Variants in EXOC4 observed in about 807,000 individuals in gnomAD.
The protein encoded by EXOC4 is SEC8-like 1.
Under a neutral mutation model 107.2 loss-of-function variants are expected in EXOC4, and 71 were observed. That is an observed-to-expected ratio of 0.66 (90% confidence interval 0.55 to 0.81). EXOC4 has a LOEUF of 0.81. EXOC4 is among the 30% of genes least tolerant of loss of function. The probability of loss-of-function intolerance (pLI) is 0.00; values close to 1 mark genes in which losing one functional copy is unlikely to be tolerated. For synonymous variants in EXOC4, 456 were observed against 441.2 expected (o/e 1.03, Z -0.42); for missense variants, 1,108 against 1,189.6 (o/e 0.93, Z 1.01).
At chr7:133,505,368 G>A (rs905063188) in intron 9 of EXOC4, among the ~76,000 whole-genome samples, 1 of 151,764 alleles carries the variant, frequency 6.6e-6, no homozygotes, top group Non-Finnish European at 1.5e-5. Flanking sequence ...TCAAAATTAT[G>A]GTTTCATTTT....
chr7:133,574,753 T>G (rs559719685), intron 9 of EXOC4, among the ~76,000 whole-genome samples: 1 of 152,312 alleles, frequency 6.6e-6, no homozygotes, highest in South Asian at 2.1e-4. Context: ...TCTTCTTCTC[T>G]TCATGATCTT....
chr7:134,066,813 T>A (rs2116652320), downstream of EXOC4, among the ~76,000 whole-genome samples: 1 of 152,220 alleles, frequency 6.6e-6, no homozygotes. Context: ...AGTTACGTAA[T>A]GTTCTTGTGT....
intron 5 of EXOC4, among the ~76,000 whole-genome samples, chr7:133,346,828 T>A (rs1018201890): frequency 6.6e-6 from 1 of 152,208 alleles, no homozygotes; most frequent in Non-Finnish European, 1.5e-5. Flanking sequence ...ATGCGTAGTA[T>A]AAGGAATGAC....
chr7:133,758,925 C>A (rs1403650569), intron 10 of EXOC4, among the ~76,000 whole-genome samples: 2 of 152,066 alleles, frequency 1.3e-5, no homozygotes, highest in Non-Finnish European at 2.9e-5. Context: ...AGTGCTTTGG[C>A]AGTTTCAAGT....
rs973354335 is a variant in EXOC4, at chr7:133,945,253, T to G, written c.2206+7184T>G. Among the ~76,000 whole-genome samples, 6 of 152,234 alleles carry G rather than the reference T, an allele frequency of 3.9e-5. 1 individual carries two copies. Among genetic ancestry groups the G allele is most frequent in the Non-Finnish European group, 5.9e-5 (4 of 68,038 alleles). On this transcript the variant is annotated intron_variant, in intron 14 of 17. Coordinates refer to ENST00000253861, the MANE Select transcript of EXOC4 (RefSeq NM_021807.4). ...ATCGCATTAGAAATGCCTGTGCTTT[T>G]TAACATATCCCCAGGCAATTTTAAC...
intron 6 of EXOC4, among the ~76,000 whole-genome samples, chr7:133,367,426 G>A (rs900722700): frequency 2.0e-5 from 3 of 152,122 alleles, no homozygotes; most frequent in African/African-American, 7.2e-5. Context: ...TTGATTAGAG[G>A]CCAAAGTGGG....
chr7:133,332,294 A>G (rs1795411814), intron 5 of EXOC4, among the ~76,000 whole-genome samples: 1 of 152,172 alleles, frequency 6.6e-6, no homozygotes, highest in East Asian at 1.9e-4. Flanking sequence ...CTTGATGTGC[A>G]TTTTATTCCA....
In EXOC4 at chr7:133,606,887, A is replaced by C. The variant is rs1801961666; in HGVS notation, c.1418-23158A>C. Among the ~76,000 whole-genome samples the C allele has an allele frequency of 2.0e-5, 3 of 151,996 alleles. No homozygotes were observed. The South Asian group carries it at 6.2e-4, about 32-fold the overall frequency. On this transcript the variant is annotated intron_variant, in intron 9 of 17. Transcript: ENST00000253861. ...GATAGGTGTCTTCCTTGTCTCTTAC[A>C]AATCGCTTTCTTTCTCTTCTCCCTA...
At chr7:134,024,825 C>T (rs1795103035) in intron 17 of EXOC4, among the ~76,000 whole-genome samples, 1 of 152,238 alleles carries the variant, frequency 6.6e-6, no homozygotes, top group African/African-American at 2.4e-5. Context: ...AAGGCTCCCT[C>T]AGCAGCAGTG....
intron 9 of EXOC4, among the ~76,000 whole-genome samples, chr7:133,516,513 G>A (rs1219252735): frequency 6.6e-6 from 1 of 152,010 alleles, no homozygotes; most frequent in Non-Finnish European, 1.5e-5. Flanking sequence ...TTGTAGCATT[G>A]GTCTCTATTT....
At chr7:133,880,285 C>T (rs145753798) in intron 11 of EXOC4, among the ~76,000 whole-genome samples, 1 of 152,318 alleles carries the variant, frequency 6.6e-6, no homozygotes, top group East Asian at 1.9e-4. Context: ...TTACCAAGAA[C>T]ATTGCTAGGC....
At chr7:133,752,444 C>T (rs532791624) in intron 10 of EXOC4, among the ~76,000 whole-genome samples, 1 of 152,214 alleles carries the variant, frequency 6.6e-6, no homozygotes, top group African/African-American at 2.4e-5. Flanking sequence ...ACTAATGGTA[C>T]CCACCTTTCT....
At chr7:133,823,865 A>C (rs1371755443) in intron 11 of EXOC4, among the ~76,000 whole-genome samples, 3 of 14,898 alleles carry the variant, frequency 2.0e-4, no homozygotes, top group Non-Finnish European at 3.0e-4. Context: ...ATATATATAT[A>C]TATATATTAT....
At chr7:133,547,275 A>G (rs969050466) in intron 9 of EXOC4, among the ~76,000 whole-genome samples, 1 of 152,230 alleles carries the variant, frequency 6.6e-6, no homozygotes, top group African/African-American at 2.4e-5. Context: ...AACAAAATAT[A>G]TATCTTAATT....
At chr7:133,896,729 A>T (rs200488176) in intron 12 of EXOC4, among the ~76,000 whole-genome samples, 16 of 147,648 alleles carry the variant, frequency 1.1e-4, no homozygotes, top group Non-Finnish European at 2.1e-4. Context: ...GCAATGGCAC[A>T]ATCTTGGCTC....
intron 9 of EXOC4, among the ~76,000 whole-genome samples, chr7:133,505,124 T>G (rs960959487): frequency 2.0e-5 from 3 of 152,162 alleles, no homozygotes; most frequent in African/African-American, 7.2e-5. Context: ...GCTACTAGTT[T>G]GTTGAAGAAG....
At chr7:133,915,233 GATTCATTCATTC>G (rs113597847) in intron 12 of EXOC4, among the ~76,000 whole-genome samples, 80 of 150,194 alleles carry the variant, frequency 5.3e-4, no homozygotes, top group Non-Finnish European at 9.5e-4. Flanking sequence ...GCAGGGAAGA[GATTCATTCATTC>G]ATTCATTCAT....
intron 10 of EXOC4, among the ~76,000 whole-genome samples, chr7:133,655,752 C>T (rs1474289323): frequency 1.3e-5 from 2 of 152,152 alleles, no homozygotes; most frequent in Non-Finnish European, 2.9e-5. Flanking sequence ...TTCTGGAATA[C>T]CTGTTGAAGG....
At chr7:133,338,579 G>A (rs1478381957) in intron 5 of EXOC4, among the ~76,000 whole-genome samples, 6 of 112,296 alleles carry the variant, frequency 5.3e-5, no homozygotes, top group East Asian at 2.9e-4. Flanking sequence ...CGACCTGGGC[G>A]CCAGAGCGAG....
Sources: allele counts gnomAD v4.1 joint callset (sites outside exome capture counted in the v4.1 genomes callset), GRCh38; gene constraint gnomAD v4.1.1; transcripts MANE v1.5; gene names NCBI Gene and HGNC (gene_info 2026-07-23, HGNC 2026-07-21).